CFH: variants seen among roughly 807,000 people sequenced by gnomAD.
The protein encoded by CFH is complement factor H.
A neutral mutation model predicts 147.3 loss-of-function variants in CFH; 53 were observed. The observed-to-expected ratio is 0.36, with a 90% CI of 0.29 to 0.45. The LOEUF (loss-of-function observed/expected upper bound fraction) is 0.45. Among genes scored for constraint, CFH ranks in the 20% least tolerant of loss-of-function variants. The probability of loss-of-function intolerance (pLI) is 1.00; values close to 1 mark genes in which losing one functional copy is unlikely to be tolerated. For synonymous variants in CFH, 536 were observed against 489.4 expected (o/e 1.10, Z -1.26); for missense variants, 1,380 against 1,498.0 (o/e 0.92, Z 1.30).
chr1:196,668,410 T>C (rs1214369518), intron 1 of CFH, among the ~76,000 whole-genome samples: 3 of 152,222 alleles, frequency 2.0e-5, no homozygotes, highest in Non-Finnish European at 4.4e-5. Flanking sequence ...AGTATTTACT[T>C]CCACAGACTT....
At position 196,669,915 on chromosome 1, in the gene CFH, G is replaced by A. The variant is rs534254560; in HGVS notation, c.59-3063G>A. Among the ~76,000 whole-genome samples the A allele has an allele frequency of 4.6e-5, 7 of 152,308 alleles. No individual in the cohort carries two copies. In the South Asian group the frequency reaches 1.5e-3, roughly 32 times the overall value. On this transcript the variant is annotated intron_variant, in intron 1 of 21. Transcript: ENST00000367429. ...AATGCCAGCAGTGAAAGTAGCCAGG[G>A]CAGGGGGCCATACCTTGCAAAACCA...
chr1:196,671,930 T>C (rs866266724), intron 1 of CFH, among the ~76,000 whole-genome samples: 15 of 151,108 alleles, frequency 9.9e-5, no homozygotes, highest in Middle Eastern at 3.5e-3. Flanking sequence ...TGTATACAGC[T>C]TTTCTGCTGT....
At chr1:196,728,585 G>T (rs968522568) in intron 15 of CFH, 63 bp downstream of exon 15, 2 of 1,514,664 alleles carry the variant, frequency 1.3e-6, no homozygotes, top group African/African-American at 2.8e-5. Context: ...TAATAGGTAT[G>T]TGTGTCTTTT....
chr1:196,740,257 T>A (rs1652766239), intron 17 of CFH, among the ~76,000 whole-genome samples: 1 of 152,200 alleles, frequency 6.6e-6, no homozygotes, highest in African/African-American at 2.4e-5. Flanking sequence ...TCTTTTACAT[T>A]CTTCCCACAA....
At chr1:196,740,950 A>C in intron 18 of CFH, 158 bp downstream of exon 18, 3 of 745,736 alleles carry the variant, frequency 4.0e-6, no homozygotes, top group Non-Finnish European at 6.7e-6. Context: ...TAATTAAAAC[A>C]TTTGACATTA....
chr1:196,686,366 C>G (rs1422922933), intron 7 of CFH, among the ~76,000 whole-genome samples: 1 of 152,076 alleles, frequency 6.6e-6, no homozygotes, highest in African/African-American at 2.4e-5. Flanking sequence ...GACTCCAAGT[C>G]TTAGTCATTT....
At chr1:196,703,343 C>T (rs12045503) in intron 9 of CFH, among the ~76,000 whole-genome samples, 98,410 of 151,988 alleles carry the variant, frequency 0.65, 32,328 homozygotes, top group East Asian at 0.95. Flanking sequence ...TTCTCATGCC[C>T]TACAAAGCCT....
At chr1:196,718,278 T>C (rs1668919667) in intron 11 of CFH, among the ~76,000 whole-genome samples, 2 of 152,088 alleles carry the variant, frequency 1.3e-5, no homozygotes, top group African/African-American at 4.8e-5. Flanking sequence ...ATATATTTTA[T>C]GTATCACTGT....
At chr1:196,723,155 A>G (rs888471842) in intron 11 of CFH, among the ~76,000 whole-genome samples, 12 of 152,100 alleles carry the variant, frequency 7.9e-5, no homozygotes, top group Non-Finnish European at 1.3e-4. Context: ...TTTAAATCAT[A>G]CTTCCAGAAA....
At chr1:196,706,490 C>T (rs895208998) in intron 9 of CFH, among the ~76,000 whole-genome samples, 3 of 151,922 alleles carry the variant, frequency 2.0e-5, no homozygotes, top group African/African-American at 7.3e-5. Context: ...CCATTAATCC[C>T]TGAAATAAAC....
At chr1:196,658,314 C>A (rs902923440) in intron 1 of CFH, among the ~76,000 whole-genome samples, 1 of 151,814 alleles carries the variant, frequency 6.6e-6, no homozygotes, top group Non-Finnish European at 1.5e-5. Context: ...CTGGTGCAAT[C>A]ATGGCTCACT....
chr1:196,716,600 G>A (rs1019531076), intron 11 of CFH, among the ~76,000 whole-genome samples: 9 of 152,086 alleles, frequency 5.9e-5, no homozygotes, highest in Non-Finnish European at 7.4e-5. Context: ...TGTGGGGACT[G>A]AGAGAGAGTG....
intron 1 of CFH, among the ~76,000 whole-genome samples, chr1:196,667,581 T>G (rs1667142673): frequency 6.6e-6 from 1 of 152,210 alleles, no homozygotes; most frequent in African/African-American, 2.4e-5. Context: ...ATGTACAATT[T>G]TATTAAAAGT....
chr1:196,734,801 A>G (rs1456191073), intron 15 of CFH, among the ~76,000 whole-genome samples: 2 of 152,064 alleles, frequency 1.3e-5, no homozygotes, highest in Admixed American at 6.6e-5. Context: ...TCAAAAACCA[A>G]TTGTAATGCC....
chr1:196,696,980 G>C (rs556938383), intron 9 of CFH, among the ~76,000 whole-genome samples: 25 of 152,104 alleles, frequency 1.6e-4, no homozygotes, highest in Admixed American at 3.3e-4. Flanking sequence ...GGATCCCTTC[G>C]TTACACCTTA....
rs35507625 is a variant in CFH, at chr1:196,673,839, C to CTTTT, written c.245-12_245-9dup. ...CTTGCTATTACATACTAATTCATAA[C>CTTTT]TTTTTTTTTCGTTTTAGAAAGGCCC... On this transcript the variant is annotated splice_polypyrimidine_tract_variant and intron_variant, in intron 2 of 21. Transcript: ENST00000367429. The CTTTT allele has an allele frequency of 5.4e-6, 8 of 1,486,342 alleles. No individual in the cohort carries two copies. The highest frequency in any genetic ancestry group is 3.4e-5 in the Admixed American group (2 of 58,980). The allele number at this position is 1,486,342 out of a possible 1,614,324, so 92.1% of individuals were successfully genotyped here.
At chr1:196,740,098 G>T (rs922860804) in intron 17 of CFH, among the ~76,000 whole-genome samples, 23 of 152,006 alleles carry the variant, frequency 1.5e-4, no homozygotes, top group Admixed American at 3.9e-4. Context: ...AGGAAAAATC[G>T]CCCTCATGAT....
intron 9 of CFH, among the ~76,000 whole-genome samples, chr1:196,691,605 T>G (rs34488706): frequency 0.01 from 1,583 of 152,000 alleles, 46 homozygotes; most frequent in South Asian, 0.093. Flanking sequence ...TTTATTTACC[T>G]TTTTGAGAGT....
At position 196,685,158 on chromosome 1, in the gene CFH, A is replaced by C. The variant is rs775249868; in HGVS notation, c.885A>C (p.Arg295Ser). ...GAGATGAAATCACGTACCAGTGTAGAAATGGTTTTTATCCTGCAACCCGGG... is the reference window on the plus strand; with the variant it reads ...GAGATGAAATCACGTACCAGTGTAGCAATGGTTTTTATCCTGCAACCCGGG... Reference protein sequence around the residue: ...RTGDEITYQCRNGFYPATRGN... With the variant: ...RTGDEITYQCSNGFYPATRGN... The change falls in exon 7 of 22, where the codon AGA becomes AGC. Residue 295 changes from arginine to serine, a missense_variant. Arg to Ser is a moderately radical substitution (Grantham distance 110). This residue lies in a region of CFH where 167 missense variants were observed against 228.0 expected (regional missense o/e 0.73). Transcript: ENST00000367429. 6.8e-6 allele frequency: 11 copies of C among 1,613,190 alleles called. No individual in the cohort carries two copies. The highest frequency in any genetic ancestry group is 9.3e-6 in the Non-Finnish European group (11 of 1,179,400).
Sources: allele counts gnomAD v4.1 joint callset (sites outside exome capture counted in the v4.1 genomes callset), GRCh38; gene constraint gnomAD v4.1.1; regional missense constraint gnomAD v4.1.1; transcripts MANE v1.5; gene names NCBI Gene and HGNC (gene_info 2026-07-23, HGNC 2026-07-21).